Variants in LDHA observed in about 807,000 individuals in gnomAD.
The protein encoded by LDHA is L-lactate dehydrogenase A chain.
In LDHA, 10 loss-of-function variants were observed where a neutral mutation model predicts 36.3. The observed-to-expected ratio is 0.28, with a 90% CI of 0.17 to 0.47. LDHA has a LOEUF of 0.47. Ranked by LOEUF, LDHA falls within the 20% of genes least tolerant of loss-of-function variation. The pLI is 0.99. For synonymous variants in LDHA, 110 were observed against 136.7 expected, an observed-to-expected ratio of 0.80 and a Z score of 1.36; for missense variants, 267 against 405.8, an observed-to-expected ratio of 0.66 and a Z score of 2.94.
intron 3 of LDHA, chr11:18,400,340 C>T (rs1866435745): frequency 4.0e-6 from 1 of 247,750 alleles, no homozygotes; most frequent in African/African-American, 2.3e-5. Flanking sequence ...TGGTTTAACT[C>T]TCTTGTGCCA....
intron 3 of LDHA, chr11:18,400,383 G>C: frequency 3.5e-6 from 1 of 284,636 alleles, no homozygotes; most frequent in Non-Finnish European, 6.9e-6. Context: ...TGTTTGTTAA[G>C]TGTAAAGCTG....
chr11:18,408,364 C>A lies in LDHA; in HGVS notation c.*1083C>A, dbSNP rs184854190. ...AAACAAAACCAAAAAAAACAAGTAA[C>A]CTTGGTGGATGTCTACTCAAGTTTT... is the stretch of plus-strand genomic sequence containing the variant. On this transcript the variant is annotated 3_prime_UTR_variant, in exon 8 of 8. Transcript: ENST00000422447. The A allele has an allele frequency of 3.7e-3, 1,327 of 360,348 alleles. 7 individuals carry two copies. The highest frequency in any genetic ancestry group is 5.0e-3 in the South Asian group (234 of 46,344). The allele number at this position is 360,348 out of a possible 1,614,324, so 22.3% of individuals were successfully genotyped here.
Position 18,396,663 on chromosome 11 carries a change from T to C in LDHA, c.-24-156T>C, listed in dbSNP as rs567063880. On this transcript the variant is annotated intron_variant, in intron 1 of 7. Transcript: ENST00000422447. The stretch of plus-strand genomic sequence containing the variant: ...TGTCATTAGGCCTTTCAACTCTCTT[T>C]TGGCAACCATTAGGTTTTTTCCCCT... 156 of 1,381,272 alleles carry C rather than the reference T, an allele frequency of 1.1e-4. 1 individual carries two copies. The Admixed American group carries it at 2.0e-3, about 18-fold the overall frequency. The allele number at this position is 1,381,272 out of a possible 1,614,324, so 85.6% of individuals were successfully genotyped here.
At chr11:18,396,751 T>TA (rs1866318552) in intron 1 of LDHA, 68 bp from the exon 2 acceptor site, 17 of 1,464,498 alleles carry the variant, frequency 1.2e-5, no homozygotes, top group East Asian at 2.3e-5. Context: ...TAAAATAGCT[T>TA]AAAAAAATCT....
At chr11:18,403,585 A>G (rs1866574116) in intron 5 of LDHA, 109 bp from the exon 6 acceptor site, 1 of 805,274 alleles carries the variant, frequency 1.2e-6, no homozygotes, top group Admixed American at 1.7e-5. Context: ...TTGACCATCT[A>G]CCAAAATTGA....
intron 6 of LDHA, among the ~76,000 whole-genome samples, chr11:18,404,623 ACGGTGAAACCC>A (rs551535785): frequency 1.2e-3 from 182 of 151,778 alleles, no homozygotes; most frequent in African/African-American, 4.2e-3. Context: ...CCTGGCTAAC[ACGGTGAAACCC>A]CGTCTCTACT....
intron 4 of LDHA, 160 bp from the exon 5 acceptor site, chr11:18,402,680 T>C (rs748052679): frequency 4.8e-5 from 32 of 661,076 alleles, no homozygotes; most frequent in Non-Finnish European, 8.2e-5. Context: ...TGGTTAGCCA[T>C]GATCAATATC....
chr11:18,403,012 T>C lies in LDHA; in HGVS notation c.591T>C (p.Ser197=). 1.9e-6 allele frequency: 3 copies of C among 1,612,704 alleles called. No individual in the cohort carries two copies. The highest frequency in any genetic ancestry group is 1.7e-6 in the Non-Finnish European group (2 of 1,178,712). The change falls in exon 5 of 8, where the codon AGT becomes AGC. Residue 197 remains serine (S), a splice_region_variant and synonymous_variant. Coordinates refer to ENST00000422447, the MANE Select transcript of LDHA (RefSeq NM_005566.4). ...GWVLGEHGDS[S]VPVWSGMNVA... Reference sequence around the variant, plus strand: ...TCCTTGGGGAACATGGAGATTCCAGTGGTAAGCATAAGTTATTTTCTTTTT... The same window carrying C: ...TCCTTGGGGAACATGGAGATTCCAGCGGTAAGCATAAGTTATTTTCTTTTT...
At chr11:18,398,929 G>C (rs1866388389) in intron 2 of LDHA, 2 of 184,322 alleles carry the variant, frequency 1.1e-5, no homozygotes, top group South Asian at 1.0e-4. Flanking sequence ...AGGCTGTCTT[G>C]AACTCCTGAC....
At position 18,395,609 on chromosome 11, in the gene LDHA, C is replaced by T. The variant is rs180833316; in HGVS notation, c.-25+973C>T. 1.5e-3 allele frequency among the ~76,000 whole-genome samples: 230 copies of T among 152,292 alleles called. 1 individual carries two copies. Among genetic ancestry groups the T allele is most frequent in the Admixed American group, 3.5e-3 (54 of 15,284 alleles). On this transcript the variant is annotated intron_variant, in intron 1 of 7. Transcript: ENST00000422447. ...TTTGTAAGGAGAGACCCGGCTCCAG[C>T]TTGGTGACTCTGGGCTGACTGCCTG...
chr11:18,395,555 C>A (rs1866265678), intron 1 of LDHA, among the ~76,000 whole-genome samples: 1 of 152,294 alleles, frequency 6.6e-6, no homozygotes, highest in South Asian at 2.1e-4. Context: ...GGCTAGAAAC[C>A]TTACAAGGCT....
Position 18,399,270 on chromosome 11 carries a change from G to C in LDHA, c.127-161G>C, listed in dbSNP as rs1374873731. On this transcript the variant is annotated intron_variant, in intron 2 of 7. Coordinates refer to ENST00000422447, the MANE Select transcript of LDHA (RefSeq NM_005566.4). Reference sequence around the variant, plus strand: ...TATCTATGTAGGGTGTAATCTGTAAGTCAGCTTTTGAAATGGGGTGCCCTC... The same window carrying C: ...TATCTATGTAGGGTGTAATCTGTAACTCAGCTTTTGAAATGGGGTGCCCTC... 4.7e-6 allele frequency: 3 copies of C among 633,712 alleles called. No individual in the cohort carries two copies. The African/African-American group carries it at 5.5e-5, about 12-fold the overall frequency. 39.3% of individuals were successfully genotyped at this position (633,712 alleles called of 1,614,324 possible). A position where few individuals can be genotyped will look rare whatever the true frequency, so the allele number is the denominator to read the frequency against.
chr11:18,404,807 CAAAA>C (rs10684351), intron 6 of LDHA, among the ~76,000 whole-genome samples: 2 of 125,624 alleles, frequency 1.6e-5, no homozygotes, highest in African/African-American at 5.6e-5. Flanking sequence ...GACTCCGTCT[CAAAA>C]AAAAAAGAAT....
In LDHA at chr11:18,405,442, C is replaced by T; in HGVS notation, c.711-7C>T. 2 of 1,612,798 alleles carry T rather than the reference C, an allele frequency of 1.2e-6. No individual in the cohort carries two copies. The highest frequency in any genetic ancestry group is 1.9e-4 in the Middle Eastern group (1 of 5,386). Reference sequence around the variant, plus strand: ...TCTGCCTTTACCTATGGTTTCCTATCATACAGTGCTTATGAGGTGATCAAA... The same window carrying T: ...TCTGCCTTTACCTATGGTTTCCTATTATACAGTGCTTATGAGGTGATCAAA... On this transcript the variant is annotated splice_region_variant and splice_polypyrimidine_tract_variant and intron_variant, in intron 6 of 7. Coordinates refer to ENST00000422447, the MANE Select transcript of LDHA (RefSeq NM_005566.4).
At chr11:18,399,131 T>C in intron 2 of LDHA, 3 of 381,070 alleles carry the variant, frequency 7.9e-6, no homozygotes, top group Non-Finnish European at 1.5e-5. Flanking sequence ...TTTTATATAA[T>C]TGGAAGTTAT....
intron 2 of LDHA, chr11:18,397,188 T>C (rs555244300): frequency 7.1e-5 from 33 of 466,836 alleles, no homozygotes; most frequent in African/African-American, 3.9e-4. Flanking sequence ...GGAGACCCAG[T>C]TCCTAAAATT....
intron 3 of LDHA, chr11:18,400,585 A>C: frequency 1.9e-6 from 1 of 525,756 alleles, no homozygotes; most frequent in Non-Finnish European, 3.5e-6. Context: ...GAGGATATGT[A>C]AGAAATTAAT....
rs113183823 is a variant in LDHA, at chr11:18,398,756, G to A, written c.127-675G>A. 4.0e-3 allele frequency: 628 copies of A among 155,786 alleles called. 2 individuals are homozygous for A. Among genetic ancestry groups the A allele is most frequent in the African/African-American group, 0.014 (590 of 41,464 alleles). The allele number at this position is 155,786 out of a possible 1,614,324, so 9.7% of individuals were successfully genotyped here. A position where few individuals can be genotyped will look rare whatever the true frequency, so the allele number is the denominator to read the frequency against. ...AGCCTCCCAAGTAGCTGGGACTACA[G>A]GCACCCACCACCACGCCTGGCTAAA... On this transcript the variant is annotated intron_variant, in intron 2 of 7. Coordinates refer to ENST00000422447, the MANE Select transcript of LDHA (RefSeq NM_005566.4).
intron 2 of LDHA, among the ~76,000 whole-genome samples, chr11:18,398,315 G>T (rs1866365931): frequency 6.6e-6 from 1 of 152,036 alleles, no homozygotes; most frequent in South Asian, 2.1e-4. Context: ...TGTTAGTATT[G>T]GTTCATATAT....
Sources: gnomAD v4.1 joint callset for allele counts (sites outside exome capture counted in the v4.1 genomes callset) on GRCh38, gnomAD v4.1.1 for gene constraint, MANE v1.5 for transcripts, NCBI Gene and HGNC (gene_info 2026-07-23, HGNC 2026-07-21) for gene names.